Variants in JPT2 observed in about 807,000 individuals in gnomAD.
The protein encoded by JPT2 is Jupiter microtubule associated homolog 2.
In JPT2, 9 loss-of-function variants were observed where a neutral mutation model predicts 15.9. That is an observed-to-expected ratio of 0.57 (90% confidence interval 0.34 to 0.99). The LOEUF (loss-of-function observed/expected upper bound fraction) is 0.99, where lower values mean the gene tolerates loss of function less well. Ranked by LOEUF, JPT2 falls within the 50% of genes least tolerant of loss-of-function variation. The pLI, the probability that JPT2 is intolerant of heterozygous loss-of-function variation, is 0.02. For synonymous variants in JPT2, 95 were observed against 91.7 expected (o/e 1.04, Z -0.21); for missense variants, 267 against 252.1 (o/e 1.06, Z -0.40).
intron 3 of JPT2, among the ~76,000 whole-genome samples, chr16:1,694,214 GC>G (rs1466099176): frequency 6.6e-6 from 1 of 152,168 alleles, no homozygotes; most frequent in Non-Finnish European, 1.5e-5. Flanking sequence ...TTCATCAGTG[GC>G]CGTTAACATC....
At chr16:1,685,335 AAAAAAC>A in intron 1 of JPT2, 98 bp from the exon 2 acceptor site, 3 of 1,321,030 alleles carry the variant, frequency 2.3e-6, no homozygotes, top group Non-Finnish European at 3.1e-6. Context: ...CTCAAAAAGA[AAAAAAC>A]AAAATACTTT....
In JPT2 at chr16:1,701,412, C is replaced by T. The variant is rs2037179264; in HGVS notation, c.*2414C>T. On this transcript the variant is annotated 3_prime_UTR_variant, in exon 5 of 5. Transcript: ENST00000248098. ...GGTGTAACAGTTGAATTAAACTTAG[C>T]AATCACGTGCTCAGAGCTTTTGCCT... The T allele has an allele frequency of 6.6e-6, 1 of 152,328 alleles. No individual in the cohort carries two copies. Among genetic ancestry groups the T allele is most frequent in the Admixed American group, 6.5e-5 (1 of 15,274 alleles). The allele number at this position is 152,328 out of a possible 1,614,324, so 9.4% of individuals were successfully genotyped here. A position where few individuals can be genotyped will look rare whatever the true frequency, so the allele number is the denominator to read the frequency against.
At chr16:1,680,529 C>G in intron 1 of JPT2, 1 of 1,209,642 alleles carries the variant, frequency 8.3e-7, no homozygotes, top group Non-Finnish European at 1.1e-6. Flanking sequence ...TTGGGGTCCA[C>G]CAGACGCTGC....
At chr16:1,693,078 G>C (rs2142227766) in intron 3 of JPT2, among the ~76,000 whole-genome samples, 1 of 152,250 alleles carries the variant, frequency 6.6e-6, no homozygotes, top group South Asian at 2.1e-4. Context: ...ACTCTGCTGA[G>C]GTTTGGTCGT....
At chr16:1,692,043 A>G (rs908508371) in intron 3 of JPT2, 58 bp downstream of exon 3, 8 of 1,595,966 alleles carry the variant, frequency 5.0e-6, no homozygotes, top group Non-Finnish European at 6.0e-6. Flanking sequence ...TGCTCTTTCC[A>G]AAAAGGCTCC....
chr16:1,681,679 T>G (rs1437134985), intron 1 of JPT2, among the ~76,000 whole-genome samples: 1 of 152,188 alleles, frequency 6.6e-6, no homozygotes, highest in Non-Finnish European at 1.5e-5. Context: ...TTGAAGCTCC[T>G]CCGGGGTAAG....
downstream of JPT2, among the ~76,000 whole-genome samples, chr16:1,702,719 G>A (rs545038917): frequency 2.6e-5 from 4 of 152,318 alleles, no homozygotes; most frequent in Admixed American, 6.5e-5. Context: ...CCTGTGTAAT[G>A]TGTGGCTACA....
chr16:1,697,601 GTT>G (rs1313852791), intron 3 of JPT2, among the ~76,000 whole-genome samples: 1 of 152,076 alleles, frequency 6.6e-6, no homozygotes, highest in Non-Finnish European at 1.5e-5. Flanking sequence ...TTTAAAGGAT[GTT>G]TTAAGAGCTA....
chr16:1,697,153 A>C (rs2037147941), intron 3 of JPT2, among the ~76,000 whole-genome samples: 1 of 152,262 alleles, frequency 6.6e-6, no homozygotes, highest in Non-Finnish European at 1.5e-5. Flanking sequence ...CACACGCTAC[A>C]GCATGGATGA....
At chr16:1,694,158 T>C (rs1260754094) in intron 3 of JPT2, among the ~76,000 whole-genome samples, 3 of 152,206 alleles carry the variant, frequency 2.0e-5, no homozygotes, top group Non-Finnish European at 4.4e-5. Flanking sequence ...AATTAGAATA[T>C]CACTGTTTTA....
intron 3 of JPT2, among the ~76,000 whole-genome samples, chr16:1,695,019 T>C (rs2037130878): frequency 6.6e-6 from 1 of 152,190 alleles, no homozygotes; most frequent in Non-Finnish European, 1.5e-5. Context: ...CCCAGTACTT[T>C]GGAAGGCCAA....
intron 3 of JPT2, among the ~76,000 whole-genome samples, chr16:1,694,765 C>G (rs1023621462): frequency 1.3e-5 from 2 of 151,810 alleles, no homozygotes; most frequent in Non-Finnish European, 2.9e-5. Flanking sequence ...GGCATTGGTA[C>G]AATTGCATAT....
At chr16:1,697,765 T>C in intron 3 of JPT2, 47 bp from the exon 4 acceptor site, 1 of 1,587,226 alleles carries the variant, frequency 6.3e-7, no homozygotes, top group Non-Finnish European at 8.6e-7. Flanking sequence ...TGAATGAGGG[T>C]AAAATTTTCT....
At chr16:1,695,860 ACTGT>A (rs2037137683) in intron 3 of JPT2, among the ~76,000 whole-genome samples, 1 of 152,074 alleles carries the variant, frequency 6.6e-6, no homozygotes, top group Non-Finnish European at 1.5e-5. Context: ...AACAAGCAAG[ACTGT>A]CTGAAAAAAT....
Position 1,700,323 on chromosome 16 carries a change from TCCCCCTCAAGGGCTG to T in JPT2, c.*1327_*1341del, listed in dbSNP as rs1555502672. 2.8e-6 allele frequency: 1 copy of T among 359,602 alleles called. No homozygotes were observed. The highest frequency in any genetic ancestry group is 5.8e-6 in the Non-Finnish European group (1 of 172,838). The allele number at this position is 359,602 out of a possible 1,614,324, so 22.3% of individuals were successfully genotyped here. On this transcript the variant is annotated 3_prime_UTR_variant, in exon 5 of 5. Transcript: ENST00000248098. ...ATCTTCAGGCAGAAGCCTCTGCCCA[TCCCCCTCAAGGGCTG>T]CAGGCCCAGTTCTCATGCTGCCCTT...
rs543535735 is a variant in JPT2, at chr16:1,680,502, T to G, written c.44+2146T>G. 1.1e-5 allele frequency: 14 copies of G among 1,247,548 alleles called. No homozygotes were observed. In the East Asian group the frequency reaches 8.1e-4, roughly 72 times the overall value. The allele number at this position is 1,247,548 out of a possible 1,614,324, so 77.3% of individuals were successfully genotyped here. On this transcript the variant is annotated intron_variant, in intron 1 of 4. Coordinates refer to ENST00000248098, the MANE Select transcript of JPT2 (RefSeq NM_144570.3). The stretch of plus-strand genomic sequence containing the variant: ...CCGGTCTGAACTGGATGATGAGGTA[T>G]CACTGGAAGCTTCTGCTTGGGGTCC...
At chr16:1,683,409 ACAGC>A in intron 1 of JPT2, 63 of 741,752 alleles carry the variant, frequency 8.5e-5, no homozygotes, top group Middle Eastern at 2.6e-4. Flanking sequence ...CTGCTCCCGG[ACAGC>A]CCTTTCTCAT....
chr16:1,684,601 G>T (rs1328001812), intron 1 of JPT2, among the ~76,000 whole-genome samples: 9 of 152,150 alleles, frequency 5.9e-5, no homozygotes, highest in African/African-American at 2.2e-4. Flanking sequence ...TTAGCTGGGT[G>T]TGGTGGCGCA....
chr16:1,688,753 C>T (rs1262176250), intron 2 of JPT2: 1 of 152,114 alleles, frequency 6.6e-6, no homozygotes, highest in African/African-American at 2.4e-5. Flanking sequence ...ACACAGAGCC[C>T]TTGGAAATCA....
Sources: allele counts gnomAD v4.1 joint callset (sites outside exome capture counted in the v4.1 genomes callset), GRCh38; gene constraint gnomAD v4.1.1; transcripts MANE v1.5; gene names NCBI Gene and HGNC (gene_info 2026-07-23, HGNC 2026-07-21).